Variants in NXPE2 observed in about 807,000 individuals in gnomAD.
The protein encoded by NXPE2 is NXPE family member 2.
Under a neutral mutation model 34.4 loss-of-function variants are expected in NXPE2, and 34 were observed. The observed-to-expected ratio is 0.99, with a 90% CI of 0.75 to 1.31. NXPE2 has a LOEUF of 1.31. Among genes scored for constraint, NXPE2 ranks in the 40% most tolerant of loss-of-function variants. NXPE2 has a pLI of 0.00. For synonymous variants in NXPE2, 235 were observed against 231.3 expected (o/e 1.02, Z -0.15); for missense variants, 649 against 672.5 (o/e 0.97, Z 0.39).
At chr11:114,788,638 G>A in the NXPE2 span, among the ~76,000 whole-genome samples, 8 of 152,284 alleles carry the variant, frequency 5.3e-5, no homozygotes, top group East Asian at 3.9e-4. Flanking sequence ...GCTGCCTCTC[G>A]TGTCCCTCTG....
At chr11:114,659,798 G>A in the NXPE2 span, among the ~76,000 whole-genome samples, 15,906 of 151,972 alleles carry the variant, frequency 0.1, 1,029 homozygotes, top group African/African-American at 0.18. Context: ...CCCAAAGTAA[G>A]CAGAGGAAAA....
the NXPE2 span, among the ~76,000 whole-genome samples, chr11:114,511,227 G>T: frequency 6.6e-6 from 1 of 152,176 alleles, no homozygotes; most frequent in African/African-American, 2.4e-5. Flanking sequence ...TCTGGCCAGT[G>T]CTGCATGATC....
chr11:114,753,712 A>G, the NXPE2 span, among the ~76,000 whole-genome samples: 1 of 152,250 alleles, frequency 6.6e-6, no homozygotes, highest in Non-Finnish European at 1.5e-5. Context: ...ATGAATAGTC[A>G]TTGGTGACAT....
the NXPE2 span, among the ~76,000 whole-genome samples, chr11:114,474,733 C>T: frequency 7.9e-5 from 12 of 152,046 alleles, no homozygotes; most frequent in African/African-American, 1.4e-4. Flanking sequence ...ATCTTTGAAA[C>T]GATAGGTGAC....
At chr11:114,540,958 G>A in the NXPE2 span, among the ~76,000 whole-genome samples, 2 of 142,604 alleles carry the variant, frequency 1.4e-5, no homozygotes, top group African/African-American at 5.2e-5. Flanking sequence ...CAGAACAGAG[G>A]CAGAGAAGGT....
the NXPE2 span, among the ~76,000 whole-genome samples, chr11:114,516,407 A>G: frequency 6.6e-6 from 1 of 152,178 alleles, no homozygotes; most frequent in East Asian, 1.9e-4. Flanking sequence ...CTCTCAGATT[A>G]CAAAATTATA....
the NXPE2 span, among the ~76,000 whole-genome samples, chr11:114,541,754 T>C: frequency 6.6e-6 from 1 of 152,194 alleles, no homozygotes; most frequent in Non-Finnish European, 1.5e-5. Flanking sequence ...CTGAGATTAA[T>C]AGAAGAATTT....
chr11:114,639,810 TAATATAAAATATAATATATATTATATTA>T, the NXPE2 span, among the ~76,000 whole-genome samples: 260 of 77,956 alleles, frequency 3.3e-3, 2 homozygotes, highest in African/African-American at 0.011. Context: ...AAATATAAAA[TAATATAAAATATAATATATATTATATTA>T]AATATAAAAT....
the NXPE2 span, among the ~76,000 whole-genome samples, chr11:114,610,321 G>GGTA: frequency 1.3e-5 from 2 of 151,560 alleles, no homozygotes; most frequent in Non-Finnish European, 2.9e-5. Context: ...ACTGTTATCC[G>GGTA]GTGAATAATA....
the NXPE2 span, among the ~76,000 whole-genome samples, chr11:114,663,678 T>TATTTATCTATC: frequency 4.1e-5 from 6 of 146,060 alleles, no homozygotes; most frequent in African/African-American, 7.8e-5. Flanking sequence ...ATCTATCTAT[T>TATTTATCTATC]TATCTATCTA....
the NXPE2 span, among the ~76,000 whole-genome samples, chr11:114,592,540 C>T: frequency 7.9e-5 from 12 of 151,944 alleles, no homozygotes; most frequent in African/African-American, 2.7e-4. Context: ...CTCACACACA[C>T]ACACACAAAA....
At chr11:114,523,148 T>C in the NXPE2 span, 1 of 1,199,586 alleles carries the variant, frequency 8.3e-7, no homozygotes, top group Non-Finnish European at 1.2e-6. Flanking sequence ...CATCTAGCCT[T>C]CTTTCCTGGT....
At position 114,696,340 on chromosome 11, in the gene NXPE2, C is replaced by CAAAAAAAAAAAAAA. The variant is rs773266644; in HGVS notation, c.133-1699_133-1686dup. ...GAGTGAGACTCCATATCAAAAAAAC[C>CAAAAAAAAAAAAAA]AAAAAAAAAAAAAAAAAAAGAAAGA... On this transcript the variant is annotated intron_variant, in intron 2 of 5. Coordinates refer to ENST00000389586, the MANE Select transcript of NXPE2 (RefSeq NM_182495.6). 4.2e-3 allele frequency among the ~76,000 whole-genome samples: 270 copies of CAAAAAAAAAAAAAA among 63,896 alleles called. 1 individual carries two copies. Among genetic ancestry groups the CAAAAAAAAAAAAAA allele is most frequent in the East Asian group, 5.3e-3 (9 of 1,714 alleles). 41.9% of individuals were successfully genotyped at this position (63,896 alleles called of 152,430 possible).
the NXPE2 span, among the ~76,000 whole-genome samples, chr11:114,671,013 A>G: frequency 6.7e-6 from 1 of 149,404 alleles, no homozygotes; most frequent in Non-Finnish European, 1.5e-5. Flanking sequence ...TACCCCATCA[A>G]GGAGAGATTG....
At chr11:114,502,954 G>C in the NXPE2 span, among the ~76,000 whole-genome samples, 6 of 152,186 alleles carry the variant, frequency 3.9e-5, no homozygotes, top group South Asian at 2.1e-4. Context: ...GAAAAGCAGT[G>C]AATACTGAGT....
At chr11:114,540,114 C>A in the NXPE2 span, among the ~76,000 whole-genome samples, 1 of 152,180 alleles carries the variant, frequency 6.6e-6, no homozygotes, top group East Asian at 1.9e-4. Flanking sequence ...TGCCATCATG[C>A]CTGACTAATT....
In NXPE2 at chr11:114,698,232, C is replaced by T; in HGVS notation, c.320C>T (p.Thr107Ile). ...PRPFTHVNTT[T>I]SATHSTATIL... The stretch of plus-strand genomic sequence containing the variant: ...CCTTTCACCCATGTGAATACCACCA[C>T]CAGTGCCACACACAGCACAGCCACC... The change falls in exon 3 of 6, where the codon ACC becomes ATC. Residue 107 changes from threonine to isoleucine, a missense_variant. Thr to Ile is a moderately conservative substitution (Grantham distance 89). Coordinates refer to ENST00000389586, the MANE Select transcript of NXPE2 (RefSeq NM_182495.6). The T allele has an allele frequency of 2.5e-6, 4 of 1,613,874 alleles. No homozygotes were observed. The highest frequency in any genetic ancestry group is 2.2e-5 in the South Asian group (2 of 91,030).
chr11:114,749,160 G>T, the NXPE2 span, among the ~76,000 whole-genome samples: 1 of 152,084 alleles, frequency 6.6e-6, no homozygotes, highest in Non-Finnish European at 1.5e-5. Flanking sequence ...CATGATCTAG[G>T]CACCTGGTAT....
At chr11:114,722,616 C>G in the NXPE2 span, among the ~76,000 whole-genome samples, 1 of 152,100 alleles carries the variant, frequency 6.6e-6, no homozygotes, top group Admixed American at 6.6e-5. Context: ...CCTAAGATAT[C>G]CTGGTTTTCT....
Sources: gnomAD v4.1 joint callset for allele counts (sites outside exome capture counted in the v4.1 genomes callset) on GRCh38, gnomAD v4.1.1 for gene constraint, MANE v1.5 for transcripts, NCBI Gene and HGNC (gene_info 2026-07-23, HGNC 2026-07-21) for gene names.